Variants in APOL5 observed in about 807,000 individuals in gnomAD.
APOL5 encodes apolipoprotein L, 5.
Under a neutral mutation model 35.5 loss-of-function variants are expected in APOL5, and 29 were observed. That is an observed-to-expected ratio of 0.82 (90% CI 0.61 to 1.11). The LOEUF (loss-of-function observed/expected upper bound fraction) is 1.11. APOL5 is among the 50% of genes most tolerant of loss of function. The probability of loss-of-function intolerance (pLI) is 0.00; values close to 1 mark genes in which losing one functional copy is unlikely to be tolerated. For synonymous variants in APOL5, 188 were observed against 200.2 expected (o/e 0.94, Z 0.51); for missense variants, 514 against 530.4 (o/e 0.97, Z 0.30).
chr22:35,713,280 G>A (rs916506676), upstream of APOL5, among the ~76,000 whole-genome samples: 10 of 152,232 alleles, frequency 6.6e-5, no homozygotes, highest in African/African-American at 2.4e-4. Context: ...AATTGAGAAT[G>A]TGATCCATTC....
chr22:35,716,917 C>T (rs896403137), upstream of APOL5, among the ~76,000 whole-genome samples: 12 of 152,030 alleles, frequency 7.9e-5, no homozygotes, highest in East Asian at 2.1e-3. Flanking sequence ...AAACAGTCCC[C>T]GGCATGGATT....
At chr22:35,727,280 C>T in intron 3 of APOL5, 86 bp downstream of exon 3, 1 of 1,513,350 alleles carries the variant, frequency 6.6e-7, no homozygotes, top group Non-Finnish European at 8.8e-7. Context: ...GCTAAACGGA[C>T]ACATCAGTGC....
At chr22:35,718,091 T>C (rs2145996003) in intron 1 of APOL5, among the ~76,000 whole-genome samples, 165 bp downstream of exon 1, 1 of 152,328 alleles carries the variant, frequency 6.6e-6, no homozygotes, top group South Asian at 2.1e-4. Context: ...CATGAGACCC[T>C]CTCAATTGCT....
chr22:35,723,044 GC>G (rs1927028438), intron 2 of APOL5, among the ~76,000 whole-genome samples: 1 of 152,082 alleles, frequency 6.6e-6, no homozygotes, highest in Admixed American at 6.5e-5. Context: ...ATGTCAGAAG[GC>G]CCCTCCCGCT....
Position 35,727,141 on chromosome 22 carries a change from G to C in APOL5, c.1073G>C (p.Cys358Ser), listed in dbSNP as rs528066860. ...RHLPQKASQT[C>S]SSSRGRAVRG... ...CTGCCGCAGAAGGCGAGCCAGACCT[G>C]TTCCAGCTCCCGGGGCAGGGCTGTT... The change falls in exon 3 of 5, where the codon TGT becomes TCT. Residue 358 changes from cysteine to serine, a missense_variant. Coordinates refer to ENST00000249044, the MANE Select transcript of APOL5 (RefSeq NM_030642.1). 144 of 1,609,104 alleles carry C rather than the reference G, an allele frequency of 8.9e-5. 1 individual carries two copies. The East Asian group carries it at 2.0e-3, about 23-fold the overall frequency.
upstream of APOL5, chr22:35,717,756 AAGAAAAGAAAAG>A (rs1926808221): frequency 3.0e-5 from 11 of 361,996 alleles, no homozygotes; most frequent in South Asian, 1.1e-4. Flanking sequence ...AAAAAAAAGA[AAGAAAAGAAAAG>A]AAAAAAAAAT....
At chr22:35,716,781 T>C (rs1191599622), upstream of APOL5, among the ~76,000 whole-genome samples, 2 of 152,016 alleles carry the variant, frequency 1.3e-5, no homozygotes, top group African/African-American at 4.8e-5. Context: ...ATAAAGAACA[T>C]ATTCTTCAAC....
At chr22:35,723,280 G>A (rs1035831387) in intron 2 of APOL5, among the ~76,000 whole-genome samples, 1 of 152,108 alleles carries the variant, frequency 6.6e-6, no homozygotes, top group African/African-American at 2.4e-5. Flanking sequence ...GCTCAATTAG[G>A]AGACAGGCCA....
At chr22:35,720,742 AT>A in intron 2 of APOL5, 88 bp downstream of exon 2, 1 of 974,250 alleles carries the variant, frequency 1.0e-6, no homozygotes, top group Admixed American at 2.3e-5. Context: ...CTCAATGAGT[AT>A]TTGGGTTTTG....
In APOL5 at chr22:35,728,217, T is replaced by A. The variant is rs1238026006; in HGVS notation, c.1127-506T>A. On this transcript the variant is annotated intron_variant, in intron 3 of 4. Transcript: ENST00000249044. ...ATATGACCTGGATTTTAGACCTTTT[T>A]TTTGTTTTTTATTTTTTATTTTTTG... Among the ~76,000 whole-genome samples, 5 of 152,276 alleles carry A rather than the reference T, an allele frequency of 3.3e-5. No homozygotes were observed. In the South Asian group the frequency reaches 8.3e-4, roughly 25 times the overall value.
upstream of APOL5, among the ~76,000 whole-genome samples, chr22:35,715,170 C>T (rs905169592): frequency 6.6e-6 from 1 of 152,130 alleles, no homozygotes; most frequent in Non-Finnish European, 1.5e-5. Flanking sequence ...TGGACAGACC[C>T]AGAACCTGTC....
intron 3 of APOL5, among the ~76,000 whole-genome samples, chr22:35,728,318 G>A (rs1192363529): frequency 6.6e-6 from 1 of 152,146 alleles, no homozygotes; most frequent in Non-Finnish European, 1.5e-5. Context: ...CCGCCTCCCG[G>A]GTTCACGCCA....
chr22:35,727,222 T>C (rs775809507), intron 3 of APOL5, 28 bp downstream of exon 3: 1 of 1,575,326 alleles, frequency 6.3e-7, no homozygotes, highest in Non-Finnish European at 8.6e-7. Flanking sequence ...AACACGGACG[T>C]GGTCTTGCTC....
At chr22:35,716,733 A>C (rs1000652555), upstream of APOL5, among the ~76,000 whole-genome samples, 1 of 139,940 alleles carries the variant, frequency 7.1e-6, no homozygotes, top group Admixed American at 7.2e-5. Flanking sequence ...CTACTCCTAC[A>C]TCACATATAT....
upstream of APOL5, among the ~76,000 whole-genome samples, chr22:35,714,519 T>C (rs1394776915): frequency 1.3e-5 from 2 of 152,056 alleles, no homozygotes; most frequent in African/African-American, 4.8e-5. Flanking sequence ...TGGCAAACAG[T>C]AGTAGCAGAA....
chr22:35,723,167 C>T (rs917269365), intron 2 of APOL5, among the ~76,000 whole-genome samples: 1 of 152,076 alleles, frequency 6.6e-6, no homozygotes. Flanking sequence ...CCTTTGAGGC[C>T]GTGGGGTTCC....
chr22:35,726,620 CAT>C lies in APOL5; in HGVS notation c.554_555del (p.Ile185SerfsTer8). 6.2e-7 allele frequency: 1 copy of C among 1,614,196 alleles called. No individual in the cohort carries two copies. The highest frequency in any genetic ancestry group is 8.5e-7 in the Non-Finnish European group (1 of 1,180,034). On this transcript the variant is annotated frameshift_variant, in exon 3 of 5. Transcript: ENST00000249044. LOFTEE classifies it high-confidence loss of function. ...GLGAAAAITN[I>X]VTNVLENRSN... ...TGGGGGCAGCAGCTGCCATCACCAACATAGTAACAAATGTCTTAGAAAATAGA... is the reference window on the plus strand; with the variant it reads ...TGGGGGCAGCAGCTGCCATCACCAACAGTAACAAATGTCTTAGAAAATAGA...
chr22:35,713,532 A>T (rs1926650780), upstream of APOL5, among the ~76,000 whole-genome samples: 1 of 152,022 alleles, frequency 6.6e-6, no homozygotes, highest in Non-Finnish European at 1.5e-5. Context: ...TCTGTTTACG[A>T]ATTCCCATCT....
the APOL5 span, among the ~76,000 whole-genome samples, chr22:35,708,958 T>C: frequency 4.6e-5 from 7 of 152,226 alleles, no homozygotes; most frequent in Non-Finnish European, 8.8e-5. Context: ...GAATGAACTT[T>C]AATTTCCTTG....
Sources: gnomAD v4.1 joint callset for allele counts (sites outside exome capture counted in the v4.1 genomes callset) on GRCh38, gnomAD v4.1.1 for gene constraint, MANE v1.5 for transcripts, NCBI Gene and HGNC (gene_info 2026-07-23, HGNC 2026-07-21) for gene names.